Variants in SLC16A2 observed in about 807,000 individuals in gnomAD.
SLC16A2 encodes monocarboxylate transporter 8.
In SLC16A2, 3 loss-of-function variants were observed where a neutral mutation model predicts 27.2. That is an observed-to-expected ratio of 0.11 (90% CI 0.05 to 0.28). The LOEUF (loss-of-function observed/expected upper bound fraction) is 0.28, where lower values mean the gene tolerates loss of function less well. Among genes scored for constraint, SLC16A2 ranks in the 10% least tolerant of loss-of-function variants. The pLI, the probability that SLC16A2 is intolerant of heterozygous loss-of-function variation, is 1.00. For synonymous variants in SLC16A2, 202 were observed against 187.8 expected (o/e 1.08, Z -0.62); for missense variants, 295 against 458.5 (o/e 0.64, Z 3.26).
intron 1 of SLC16A2, among the ~76,000 whole-genome samples, chrX:74,458,220 T>C (rs1411555375): frequency 5.3e-5 from 6 of 112,389 alleles, no homozygotes; most frequent in Non-Finnish European, 9.4e-5. Context: ...TAAAATTGTA[T>C]ATATTTAAGT....
At chrX:74,461,967 C>G (rs1220522037) in intron 1 of SLC16A2, among the ~76,000 whole-genome samples, 1 of 111,475 alleles carries the variant, frequency 9.0e-6, no homozygotes, top group African/African-American at 3.3e-5. Context: ...CCACTCTCTC[C>G]TATTTCATTG....
chrX:74,474,482 T>G (rs1343506742), intron 1 of SLC16A2, among the ~76,000 whole-genome samples: 2 of 110,407 alleles, frequency 1.8e-5, no homozygotes, highest in East Asian at 5.6e-4. Flanking sequence ...CTTAGTGTTT[T>G]TTTTTTTTTA....
At chrX:74,464,542 G>A (rs916278867) in intron 1 of SLC16A2, among the ~76,000 whole-genome samples, 8 of 111,367 alleles carry the variant, frequency 7.2e-5, no homozygotes, top group African/African-American at 2.6e-4. Context: ...GGGACTGAGA[G>A]GCAAAAGCCC....
intron 1 of SLC16A2, among the ~76,000 whole-genome samples, chrX:74,431,794 A>T (rs1333029972): frequency 2.7e-5 from 3 of 111,471 alleles, no homozygotes; most frequent in Admixed American, 1.9e-4. Flanking sequence ...GTAAATTATG[A>T]AGTGGTTGTT....
chrX:74,507,200 C>T (rs1930150524), intron 1 of SLC16A2, among the ~76,000 whole-genome samples: 1 of 110,774 alleles, frequency 9.0e-6, no homozygotes, highest in African/African-American at 3.3e-5. Flanking sequence ...AAGCCATCTG[C>T]CTGTCTCAGC....
chrX:74,438,778 T>G (rs1309208066), intron 1 of SLC16A2, among the ~76,000 whole-genome samples: 1 of 111,818 alleles, frequency 8.9e-6, no homozygotes, highest in African/African-American at 3.3e-5. Flanking sequence ...ATGTCCCTTT[T>G]GCCCTTGCTG....
intron 1 of SLC16A2, among the ~76,000 whole-genome samples, chrX:74,498,412 AC>A (rs35184329): frequency 0.53 from 57,524 of 109,204 alleles, 13,392 homozygotes; most frequent in Non-Finnish European, 0.73. Flanking sequence ...ACCCCCCTCA[AC>A]CCAGAGGCAG....
chrX:74,448,302 ATTTTTTTTTTTTTT>A (rs144467927), intron 1 of SLC16A2, among the ~76,000 whole-genome samples: 70 of 64,254 alleles, frequency 1.1e-3, no homozygotes, highest in African/African-American at 4.5e-3. Flanking sequence ...AATCCTTTGG[ATTTTTTTTTTTTTT>A]TTTTTTTTTT....
intron 1 of SLC16A2, among the ~76,000 whole-genome samples, chrX:74,497,528 G>C (rs984534755): frequency 5.5e-5 from 6 of 108,558 alleles, no homozygotes; most frequent in Non-Finnish European, 7.6e-5. Context: ...TTTTGGGGTC[G>C]GTACCCCAAA....
intron 1 of SLC16A2, among the ~76,000 whole-genome samples, chrX:74,509,689 G>A (rs1290539142): frequency 9.0e-6 from 1 of 110,574 alleles, no homozygotes; most frequent in African/African-American, 3.3e-5. Context: ...TCAGCCTCCC[G>A]AGTAGCTGGG....
intron 1 of SLC16A2, among the ~76,000 whole-genome samples, chrX:74,497,080 T>C (rs1230708931): frequency 9.0e-6 from 1 of 111,319 alleles, no homozygotes; most frequent in Non-Finnish European, 1.9e-5. Flanking sequence ...GGTCTAGGGG[T>C]TCTTATAGGC....
rs200192019 is a variant in SLC16A2, at chrX:74,502,399, C to CA, written c.431-18590dup. On this transcript the variant is annotated intron_variant, in intron 1 of 5. Coordinates refer to ENST00000587091, the MANE Select transcript of SLC16A2 (RefSeq NM_006517.5). ...ACCACAGTCATAGTTTTTAACATTC[C>CA]ACTAGGACTTGTGTGGGCTCTCCAG... Among the ~76,000 whole-genome samples, 579 of 111,818 alleles carry CA rather than the reference C, an allele frequency of 5.2e-3. 9 individuals are homozygous for CA. Among genetic ancestry groups the CA allele is most frequent in the African/African-American group, 0.018 (553 of 30,765 alleles).
At position 74,461,256 on chromosome X, in the gene SLC16A2, C is replaced by T. The variant is rs998873974; in HGVS notation, c.430+39189C>T. On this transcript the variant is annotated intron_variant, in intron 1 of 5. Transcript: ENST00000587091. ...GTGTCATATTGGACAAGTCCTTGTA[C>T]TCTCTGTAACCTTCTCTTTCTGAAC... is the stretch of plus-strand genomic sequence containing the variant. Among the ~76,000 whole-genome samples the T allele has an allele frequency of 8.0e-5, 9 of 111,888 alleles. No homozygotes were observed. The Admixed American group carries it at 8.6e-4, about 11-fold the overall frequency.
At chrX:74,452,264 C>T (rs747627509) in intron 1 of SLC16A2, among the ~76,000 whole-genome samples, 59 of 111,926 alleles carry the variant, frequency 5.3e-4, no homozygotes, top group South Asian at 1.1e-3. Context: ...ATATGGCAGG[C>T]CTTCCCTCTC....
At chrX:74,466,215 T>C (rs1480768255) in intron 1 of SLC16A2, among the ~76,000 whole-genome samples, 2 of 111,226 alleles carry the variant, frequency 1.8e-5, no homozygotes, top group African/African-American at 6.5e-5. Flanking sequence ...TTTATGAGCT[T>C]TTTCTAAACC....
At chrX:74,483,507 C>A (rs1286702918) in intron 1 of SLC16A2, among the ~76,000 whole-genome samples, 4 of 110,995 alleles carry the variant, frequency 3.6e-5, no homozygotes, top group Non-Finnish European at 7.6e-5. Flanking sequence ...TTGCTTACCA[C>A]CAAGATTGTC....
At chrX:74,505,627 G>T (rs1044138320) in intron 1 of SLC16A2, among the ~76,000 whole-genome samples, 2 of 112,043 alleles carry the variant, frequency 1.8e-5, no homozygotes, top group African/African-American at 6.5e-5. Context: ...GCCAACATTA[G>T]TGCTTGGCTC....
At chrX:74,496,276 GCACACACA>G (rs58357405) in intron 1 of SLC16A2, among the ~76,000 whole-genome samples, 2 of 37,102 alleles carry the variant, frequency 5.4e-5, no homozygotes, top group Admixed American at 3.0e-4. Context: ...ACACACACAC[GCACACACA>G]CACACACACA....
intron 1 of SLC16A2, 86 bp downstream of exon 1, chrX:74,422,153 G>T: frequency 1.0e-6 from 1 of 967,808 alleles, no homozygotes; most frequent in Non-Finnish European, 1.5e-6. Flanking sequence ...CCGGTCCGAG[G>T]CGCCCCTCCA....
Sources: gnomAD v4.1 joint callset for allele counts (sites outside exome capture counted in the v4.1 genomes callset) on GRCh38, gnomAD v4.1.1 for gene constraint, MANE v1.5 for transcripts, NCBI Gene and HGNC (gene_info 2026-07-23, HGNC 2026-07-21) for gene names.